LRP12: variants seen among roughly 807,000 people sequenced by gnomAD.
The protein encoded by LRP12 is LDL receptor related protein 12.
A neutral mutation model predicts 66.0 loss-of-function variants in LRP12; 14 were observed. That is an observed-to-expected ratio of 0.21 (90% CI 0.14 to 0.33). LRP12 has a LOEUF of 0.33. Ranked by LOEUF, LRP12 falls within the 10% of genes least tolerant of loss-of-function variation. The pLI is 1.00. For missense variants in LRP12, 889 were observed against 1,053.4 expected, an observed-to-expected ratio of 0.84 and a Z score of 2.16; for synonymous variants, 357 against 359.1, an observed-to-expected ratio of 0.99 and a Z score of 0.07.
chr8:104,491,787 T>C (rs1588480151), intron 6 of LRP12, among the ~76,000 whole-genome samples: 1 of 152,266 alleles, frequency 6.6e-6, no homozygotes, highest in South Asian at 2.1e-4. Flanking sequence ...ATTTTATATA[T>C]GCAACTTAAA....
intron 2 of LRP12, 146 bp from the exon 3 acceptor site, chr8:104,509,220 TTATTC>T: frequency 1.7e-6 from 1 of 605,694 alleles, no homozygotes; most frequent in Non-Finnish European, 2.7e-6. Flanking sequence ...TAAAAAGCTA[TTATTC>T]TAATGAGATA....
rs1810762088 is a variant in LRP12 at position 104,497,926 on chromosome 8, G to A, written c.626C>T (p.Ala209Val). 1 of 1,614,068 alleles carries A rather than the reference G, an allele frequency of 6.2e-7. No individual in the cohort carries two copies. Among genetic ancestry groups the A allele is most frequent in the African/African-American group, 1.3e-5 (1 of 74,924 alleles). ...GTAAGCACAGGGTTGAAAAGCAGCA[G>A]CAGTTGGAGGATTTGCTTCTTTGGC... ...ICAKEANPPTAAAFQPCAYNQ... is the reference protein window; with the variant it reads ...ICAKEANPPTVAAFQPCAYNQ... The change falls in exon 5 of 7, where the codon GCT becomes GTT. Residue 209 changes from alanine (A) to valine (V), a missense_variant. Around this residue, in one of 3 missense-constraint regions of LRP12, gnomAD observed 800 missense variants for 964.5 expected, o/e 0.83. Transcript: ENST00000276654. The surrounding 1 kb of genome is among the most constrained non-coding windows in gnomAD (Gnocchi z 4.3).
intron 1 of LRP12, among the ~76,000 whole-genome samples, chr8:104,562,973 T>C (rs778838041): frequency 2.0e-5 from 3 of 152,132 alleles, no homozygotes; most frequent in Non-Finnish European, 4.4e-5. Context: ...AAAAGGTAAA[T>C]GTATAAGGAA....
intron 1 of LRP12, among the ~76,000 whole-genome samples, chr8:104,547,525 G>T (rs1201802352): frequency 8.7e-6 from 1 of 114,992 alleles, no homozygotes. Context: ...ATATATAATT[G>T]TTATATTTTG....
intron 2 of LRP12, among the ~76,000 whole-genome samples, chr8:104,516,702 A>G (rs1472710415): frequency 6.6e-6 from 1 of 152,114 alleles, no homozygotes. Flanking sequence ...TTATATTTAA[A>G]TCAATTATTT....
Position 104,509,052 on chromosome 8 carries a change from T to C in LRP12, c.159A>G (p.Gln53=). 1.2e-6 allele frequency: 2 copies of C among 1,613,842 alleles called. No individual in the cohort carries two copies. The highest frequency in any genetic ancestry group is 1.1e-5 in the South Asian group (1 of 91,046). Residue 53 remains glutamine (Q), a synonymous_variant, in exon 3 of 7, where the codon CAA becomes CAG. Coordinates refer to ENST00000276654, the MANE Select transcript of LRP12 (RefSeq NM_013437.5). ...VSTACGETPE[Q]IRAPSGIITS... ...TGATTATGCCACTTGGTGCTCGTAT[T>C]TGCTCTGGAGTCTCTCCACAAGCTG...
chr8:104,536,171 T>C (rs1459556248), intron 1 of LRP12, among the ~76,000 whole-genome samples: 2 of 152,096 alleles, frequency 1.3e-5, no homozygotes, highest in Non-Finnish European at 2.9e-5. Context: ...TACTTCTAAA[T>C]CTTTACCTCT....
intron 1 of LRP12, among the ~76,000 whole-genome samples, chr8:104,544,482 G>A (rs1216290312): frequency 2.0e-5 from 3 of 152,160 alleles, no homozygotes; most frequent in East Asian, 3.9e-4. Flanking sequence ...TTTTCCTAGC[G>A]AGAGAGAAGA....
At chr8:104,579,686 A>C (rs1432709411) in intron 1 of LRP12, among the ~76,000 whole-genome samples, 1 of 152,228 alleles carries the variant, frequency 6.6e-6, no homozygotes. Context: ...ACTACACTAC[A>C]GGTCTACAGT....
chr8:104,492,448 G>A (rs188097981), intron 6 of LRP12, among the ~76,000 whole-genome samples: 39 of 152,218 alleles, frequency 2.6e-4, no homozygotes, highest in Non-Finnish European at 1.5e-4. Flanking sequence ...ACTTGAAACA[G>A]CTTTCACCAA....
Position 104,489,835 on chromosome 8 carries a change from A to G in LRP12, c.*838T>C, listed in dbSNP as rs1248866279. 1 of 152,600 alleles carries G rather than the reference A, an allele frequency of 6.6e-6. No homozygotes were observed. Among genetic ancestry groups the G allele is most frequent in the Admixed American group, 6.5e-5 (1 of 15,274 alleles). 9.5% of individuals were successfully genotyped at this position (152,600 alleles called of 1,614,324 possible). A position where few individuals can be genotyped will look rare whatever the true frequency, so the allele number is the denominator to read the frequency against. ...ATCCCTAGGGTCCAATGCAAGCGCA[A>G]CCCTGTATTAGGGAAAGACATTACC... is the stretch of plus-strand genomic sequence containing the variant. On this transcript the variant is annotated 3_prime_UTR_variant, in exon 7 of 7. Coordinates refer to ENST00000276654, the MANE Select transcript of LRP12 (RefSeq NM_013437.5).
chr8:104,522,494 C>T (rs1219251230), intron 2 of LRP12, among the ~76,000 whole-genome samples: 1 of 152,016 alleles, frequency 6.6e-6, no homozygotes, highest in African/African-American at 2.4e-5. Context: ...AGTAAATATT[C>T]TCTCTCAGCT....
intron 3 of LRP12, among the ~76,000 whole-genome samples, chr8:104,499,951 A>G (rs1261135692): frequency 6.6e-6 from 1 of 152,210 alleles, no homozygotes; most frequent in Non-Finnish European, 1.5e-5. Flanking sequence ...TGCTTAATGA[A>G]AAGTTTGCAG....
At chr8:104,520,910 T>A (rs913511188) in intron 2 of LRP12, among the ~76,000 whole-genome samples, 2 of 152,028 alleles carry the variant, frequency 1.3e-5, no homozygotes, top group African/African-American at 4.8e-5. Context: ...GAGCTTGCCT[T>A]TTTACGTTCA....
At chr8:104,515,695 T>A (rs145143430) in intron 2 of LRP12, among the ~76,000 whole-genome samples, 1 of 152,196 alleles carries the variant, frequency 6.6e-6, no homozygotes, top group Admixed American at 6.5e-5. Context: ...CATGAACCTA[T>A]GCATATATGG....
At chr8:104,579,374 G>C (rs1033900606) in intron 1 of LRP12, among the ~76,000 whole-genome samples, 1 of 152,112 alleles carries the variant, frequency 6.6e-6, no homozygotes, top group Non-Finnish European at 1.5e-5. Context: ...GCTAACCAGG[G>C]AGGTGAAAGA....
rs759034148 is a variant in LRP12 at position 104,497,512 on chromosome 8, G to A, written c.1040C>T (p.Ser347Phe). 4 of 1,613,924 alleles carry A rather than the reference G, an allele frequency of 2.5e-6. No homozygotes were observed. The highest frequency in any genetic ancestry group is 4.5e-5 in the East Asian group (2 of 44,888). Residue 347 changes from serine (S) to phenylalanine (F), a missense_variant, in exon 5 of 7, where the codon TCT becomes TTT. Physicochemically the swap from Ser to Phe is radical, Grantham distance 155. This residue lies in a region of LRP12 where 800 missense variants were observed against 964.5 expected (regional missense o/e 0.83). Transcript: ENST00000276654. The surrounding 1 kb of genome is among the most constrained non-coding windows in gnomAD (Gnocchi z 4.3). Reference sequence around the variant, plus strand: ...ACAAAAATGTACCCTTATCTGTCCAGAAGAAGAAACAACTGTAAGAGGTGC... The same window carrying A: ...ACAAAAATGTACCCTTATCTGTCCAAAAGAAGAAACAACTGTAAGAGGTGC... ...SHAPLTVVSS[S>F]GQIRVHFCAD...
Position 104,508,987 on chromosome 8 carries a change from T to C in LRP12, c.224A>G (p.Asn75Ser), listed in dbSNP as rs1020792751. ...GTTTGCCCTTATGAACCAGCTACAG[T>C]TGATTTTTGCAGGATATTCAGAAGG... ...GWPSEYPAKI[N>S]CSWFIRANPG... is the part of the protein sequence containing the mutation. The change falls in exon 3 of 7, where the codon AAC (asparagine) becomes AGC (serine). Residue 75 changes from asparagine (N) to serine (S), a missense_variant. Physicochemically the swap from Asn to Ser is conservative, Grantham distance 46 (BLOSUM62 1). Coordinates refer to ENST00000276654, the MANE Select transcript of LRP12 (RefSeq NM_013437.5). 6.2e-7 allele frequency: 1 copy of C among 1,613,888 alleles called. No homozygotes were observed. Among genetic ancestry groups the C allele is most frequent in the Non-Finnish European group, 8.5e-7 (1 of 1,179,812 alleles).
intron 2 of LRP12, among the ~76,000 whole-genome samples, chr8:104,518,758 AATG>A (rs1425460422): frequency 6.6e-6 from 1 of 152,208 alleles, no homozygotes; most frequent in Non-Finnish European, 1.5e-5. Context: ...ACCTACTTTT[AATG>A]ATAAGAGAAC....
Sources: allele counts gnomAD v4.1 joint callset (sites outside exome capture counted in the v4.1 genomes callset), GRCh38; gene constraint gnomAD v4.1.1; regional missense constraint gnomAD v4.1.1; non-coding constraint Gnocchi (gnomAD v3.1); transcripts MANE v1.5; gene names NCBI Gene and HGNC (gene_info 2026-07-23, HGNC 2026-07-21).